The following ZNF804A variants were observed in gnomAD, a reference collection of about 807,000 sequenced individuals.
ZNF804A encodes the protein zinc finger protein 804A.
ZNF804A carries 2 observed loss-of-function variants against 16.5 expected under a neutral mutation model. The observed-to-expected ratio is 0.12, with a 90% CI of 0.05 to 0.38. The LOEUF (loss-of-function observed/expected upper bound fraction) is 0.38, where lower values mean the gene tolerates loss of function less well. ZNF804A is among the 10% of genes least tolerant of loss of function. The probability of loss-of-function intolerance (pLI) is 0.99; values close to 1 mark genes in which losing one functional copy is unlikely to be tolerated. For synonymous variants in ZNF804A, 534 were observed against 489.6 expected (o/e 1.09, Z -1.20); for missense variants, 1,473 against 1,390.7 (o/e 1.06, Z -0.94).
chr2:184,867,814 G>A (rs867439646), intron 2 of ZNF804A, among the ~76,000 whole-genome samples: 17 of 152,108 alleles, frequency 1.1e-4, no homozygotes, highest in African/African-American at 3.9e-4. Context: ...TGTTTTGAAA[G>A]AGTTGAAGTC....
intron 1 of ZNF804A, among the ~76,000 whole-genome samples, chr2:184,769,757 T>C (rs1694183950): frequency 6.6e-6 from 1 of 151,838 alleles, no homozygotes; most frequent in African/African-American, 2.4e-5. Context: ...TGAAGGTAAA[T>C]AGAAATAAGG....
At chr2:184,758,786 G>A (rs1485824973) in intron 1 of ZNF804A, among the ~76,000 whole-genome samples, 2 of 151,828 alleles carry the variant, frequency 1.3e-5, no homozygotes, top group Non-Finnish European at 2.9e-5. Context: ...AAATCATTGG[G>A]TATATTATTG....
intron 1 of ZNF804A, among the ~76,000 whole-genome samples, chr2:184,695,199 C>A (rs1156247730): frequency 1.3e-5 from 2 of 152,182 alleles, no homozygotes; most frequent in South Asian, 4.2e-4. Context: ...TGGTGGCTCA[C>A]GCCTGTAATC....
chr2:184,778,334 T>C (rs1180665899), intron 1 of ZNF804A, among the ~76,000 whole-genome samples: 2 of 151,618 alleles, frequency 1.3e-5, no homozygotes, highest in Non-Finnish European at 3.0e-5. Context: ...CTAAAGATGA[T>C]AATTTTTTCC....
chr2:184,741,519 C>T (rs1221177286), intron 1 of ZNF804A, among the ~76,000 whole-genome samples: 9 of 152,084 alleles, frequency 5.9e-5, no homozygotes, highest in Non-Finnish European at 5.9e-5. Context: ...GACTCAAAGT[C>T]CCCACCATAA....
At chr2:184,875,218 G>A (rs1185881860) in intron 2 of ZNF804A, among the ~76,000 whole-genome samples, 1 of 152,184 alleles carries the variant, frequency 6.6e-6, no homozygotes, top group Admixed American at 6.5e-5. Flanking sequence ...GTGTTAGATA[G>A]AGTTTAGATA....
chr2:184,893,996 C>T (rs1574259990), intron 2 of ZNF804A, among the ~76,000 whole-genome samples: 1 of 152,056 alleles, frequency 6.6e-6, no homozygotes, highest in African/African-American at 2.4e-5. Context: ...ACATAAAATT[C>T]TTCTATAAAT....
intron 1 of ZNF804A, among the ~76,000 whole-genome samples, chr2:184,684,970 C>G (rs1051150179): frequency 1.3e-5 from 2 of 152,086 alleles, no homozygotes; most frequent in African/African-American, 4.8e-5. Context: ...CTGAGTGTTG[C>G]TCACACCGGC....
rs150228933 is a variant in ZNF804A, at chr2:184,658,348, C to T, written c.111+59278C>T. On this transcript the variant is annotated intron_variant, in intron 1 of 3. Coordinates refer to ENST00000302277, the MANE Select transcript of ZNF804A (RefSeq NM_194250.2). Reference sequence around the variant, plus strand: ...AAAATTAGCTGGGCGTGGTGGCAGACGCCTGTAGTCCCAGCTACTCTGGTT... The same window carrying T: ...AAAATTAGCTGGGCGTGGTGGCAGATGCCTGTAGTCCCAGCTACTCTGGTT... Among the ~76,000 whole-genome samples the T allele has an allele frequency of 6.4e-4, 98 of 152,192 alleles. 3 individuals carry two copies. In the East Asian group the frequency reaches 0.014, roughly 22 times the overall value.
At chr2:184,604,727 T>C (rs1691114336) in intron 1 of ZNF804A, among the ~76,000 whole-genome samples, 1 of 152,174 alleles carries the variant, frequency 6.6e-6, no homozygotes, top group Non-Finnish European at 1.5e-5. Context: ...GGCACTTCAG[T>C]GTTCCATACC....
chr2:184,612,270 T>C (rs1036390918), intron 1 of ZNF804A, among the ~76,000 whole-genome samples: 44 of 152,142 alleles, frequency 2.9e-4, no homozygotes, highest in African/African-American at 1.0e-3. Context: ...TTGAAAAATA[T>C]CTGAGATCCA....
At chr2:184,693,846 A>G (rs1009929204) in intron 1 of ZNF804A, among the ~76,000 whole-genome samples, 1 of 152,022 alleles carries the variant, frequency 6.6e-6, no homozygotes, top group South Asian at 2.1e-4. Context: ...AAAATAGCCA[A>G]ATAAAATTTA....
intron 2 of ZNF804A, among the ~76,000 whole-genome samples, chr2:184,904,487 T>C (rs928049893): frequency 6.6e-6 from 1 of 152,076 alleles, no homozygotes; most frequent in Admixed American, 6.6e-5. Flanking sequence ...ACCTTAATTA[T>C]ACATTTAGTT....
chr2:184,903,883 C>A (rs944626934), intron 2 of ZNF804A, among the ~76,000 whole-genome samples: 1 of 151,846 alleles, frequency 6.6e-6, no homozygotes, highest in Non-Finnish European at 1.5e-5. Context: ...TGCATGTGAC[C>A]ACTTTTCAAA....
chr2:184,852,237 C>CTCTCTCTCTCTT (rs1311581229), intron 1 of ZNF804A, among the ~76,000 whole-genome samples: 22 of 147,988 alleles, frequency 1.5e-4, no homozygotes, highest in African/African-American at 5.4e-4. Flanking sequence ...CTTTCTCTCT[C>CTCTCTCTCTCTT]TCTCTCTCTC....
chr2:184,781,559 A>G (rs1317450542), intron 1 of ZNF804A, among the ~76,000 whole-genome samples: 2 of 151,652 alleles, frequency 1.3e-5, no homozygotes, highest in Non-Finnish European at 2.9e-5. Flanking sequence ...CTTTTTTGGG[A>G]AATTTTCATT....
At chr2:184,837,478 T>C (rs1695370025) in intron 1 of ZNF804A, among the ~76,000 whole-genome samples, 1 of 152,182 alleles carries the variant, frequency 6.6e-6, no homozygotes. Flanking sequence ...TAAGTCTGTT[T>C]ATTTGTTTAT....
chr2:184,771,026 T>A (rs1218735118), intron 1 of ZNF804A, among the ~76,000 whole-genome samples: 1 of 151,896 alleles, frequency 6.6e-6, no homozygotes, highest in East Asian at 1.9e-4. Flanking sequence ...AACAACAAAA[T>A]GGATAAATAA....
At chr2:184,819,646 A>C (rs1421339370) in intron 1 of ZNF804A, among the ~76,000 whole-genome samples, 1 of 151,760 alleles carries the variant, frequency 6.6e-6, no homozygotes, top group East Asian at 1.9e-4. Context: ...TTTTAAAAAA[A>C]AAAATTTAAT....
Sources: allele counts gnomAD v4.1 joint callset (sites outside exome capture counted in the v4.1 genomes callset), GRCh38; gene constraint gnomAD v4.1.1; transcripts MANE v1.5; gene names NCBI Gene and HGNC (gene_info 2026-07-23, HGNC 2026-07-21).